LRIF1: variants seen among roughly 807,000 people sequenced by gnomAD.
LRIF1 encodes the protein ligand-dependent nuclear receptor-interacting factor 1.
In LRIF1, 32 loss-of-function variants were observed where a neutral mutation model predicts 52.7. The ratio of observed to expected loss-of-function variants is 0.61; its 90% CI spans 0.46 to 0.82. The LOEUF (loss-of-function observed/expected upper bound fraction) is 0.82, where lower values mean the gene tolerates loss of function less well. Ranked by LOEUF, LRIF1 falls within the 40% of genes least tolerant of loss-of-function variation. The pLI is 0.00. For synonymous variants in LRIF1, 323 were observed against 317.4 expected (o/e 1.02, Z -0.19); for missense variants, 887 against 892.0 (o/e 0.99, Z 0.07).
intron 1 of LRIF1, among the ~76,000 whole-genome samples, chr1:110,956,640 G>T (rs941149572): frequency 3.3e-5 from 5 of 152,138 alleles, no homozygotes; most frequent in Admixed American, 1.3e-4. Context: ...TACTACAAAA[G>T]TAGATAGGTG....
At chr1:110,885,693 T>C in the LRIF1 span, among the ~76,000 whole-genome samples, 37 of 151,734 alleles carry the variant, frequency 2.4e-4, no homozygotes, top group African/African-American at 8.9e-4. Flanking sequence ...CGAAACCCCC[T>C]CTCTACTAAA....
At chr1:110,918,947 G>A in the LRIF1 span, among the ~76,000 whole-genome samples, 1 of 152,152 alleles carries the variant, frequency 6.6e-6, no homozygotes, top group Admixed American at 6.5e-5. Flanking sequence ...TATAAAACTG[G>A]ACATAAGAAG....
In LRIF1 at chr1:110,953,336, C is replaced by G. The variant is rs368759114; in HGVS notation, c.69-521G>C. On this transcript the variant is annotated intron_variant, in intron 1 of 3. Transcript: ENST00000369763. ...CTCTCATGGTGTTACCTTAGTTTGC[C>G]ACATTTTTGTGCTATAGATTTCACT... Among the ~76,000 whole-genome samples, 58 of 152,240 alleles carry G rather than the reference C, an allele frequency of 3.8e-4. No individual in the cohort carries two copies. In the South Asian group the frequency reaches 9.1e-3, roughly 24 times the overall value.
chr1:110,901,512 CTG>C, the LRIF1 span, among the ~76,000 whole-genome samples: 1 of 134,610 alleles, frequency 7.4e-6, no homozygotes, highest in Non-Finnish European at 1.6e-5. Context: ...GAGTCTCACT[CTG>C]TGGCCAGGCT....
At chr1:110,902,495 T>TAAAAAAAGAAAAAAAAA in the LRIF1 span, among the ~76,000 whole-genome samples, 3 of 72,650 alleles carry the variant, frequency 4.1e-5, no homozygotes, top group African/African-American at 2.1e-4. Context: ...AATCAATCAC[T>TAAAAAAAGAAAAAAAAA]AAAAAAAAAA....
At chr1:110,953,552 A>AT (rs541735912) in intron 1 of LRIF1, among the ~76,000 whole-genome samples, 2 of 152,162 alleles carry the variant, frequency 1.3e-5, no homozygotes, top group Middle Eastern at 3.4e-3. Context: ...CTGGAAATCA[A>AT]TTTTTTTTAA....
chr1:110,943,349 C>T (rs1658132828), downstream of LRIF1: 1 of 152,110 alleles, frequency 6.6e-6, no homozygotes, highest in South Asian at 2.1e-4. Context: ...ATTCAAGGCG[C>T]ATTTCAGTAT....
the LRIF1 span, among the ~76,000 whole-genome samples, chr1:110,885,244 A>C: frequency 2.0e-5 from 3 of 152,208 alleles, no homozygotes; most frequent in Non-Finnish European, 4.4e-5. Context: ...TTGTTTGAAC[A>C]GTTCAGTATC....
chr1:110,951,631 T>C lies in LRIF1; in HGVS notation c.1253A>G (p.Lys418Arg). ...TGTCTCCATCTGGGAAGATTTACTT[T>C]TAGCCAAAACAATATTTACAACCTC... ...SREVVNIVLAKSKSSQMETKS... is the reference protein window; with the variant it reads ...SREVVNIVLARSKSSQMETKS... The change falls in exon 2 of 4, where the codon AAA (lysine) becomes AGA (arginine). Residue 418 changes from lysine to arginine, a missense_variant. Coordinates refer to ENST00000369763, the MANE Select transcript of LRIF1 (RefSeq NM_018372.4). 1 of 1,614,124 alleles carries C rather than the reference T, an allele frequency of 6.2e-7. No individual in the cohort carries two copies. Among genetic ancestry groups the C allele is most frequent in the Non-Finnish European group, 8.5e-7 (1 of 1,180,016 alleles).
chr1:110,895,145 C>A, the LRIF1 span: 1 of 956,756 alleles, frequency 1.0e-6, no homozygotes, highest in South Asian at 1.3e-5. Flanking sequence ...CTGGAAGTTT[C>A]AGAATCTAAG....
At chr1:110,938,278 T>C in the LRIF1 span, 1 of 152,052 alleles carries the variant, frequency 6.6e-6, no homozygotes, top group African/African-American at 2.4e-5. Flanking sequence ...CAGGCCAATA[T>C]CTCTGATGAA....
the LRIF1 span, among the ~76,000 whole-genome samples, chr1:110,909,642 G>A: frequency 0.011 from 1,599 of 145,624 alleles, 27 homozygotes; most frequent in African/African-American, 0.037. Context: ...GTGCAGTGGC[G>A]CGATCTCGGC....
At chr1:110,929,562 T>C in the LRIF1 span, among the ~76,000 whole-genome samples, 1 of 152,218 alleles carries the variant, frequency 6.6e-6, no homozygotes, top group Non-Finnish European at 1.5e-5. Flanking sequence ...ATGTATGTCT[T>C]CTTTTGAAAA....
chr1:110,902,639 AAT>A, the LRIF1 span, among the ~76,000 whole-genome samples: 1 of 152,186 alleles, frequency 6.6e-6, no homozygotes, highest in Non-Finnish European at 1.5e-5. Flanking sequence ...AGAAGATGTA[AAT>A]ATGTGGAAAA....
At chr1:110,918,637 CAGTG>C in the LRIF1 span, among the ~76,000 whole-genome samples, 1 of 152,132 alleles carries the variant, frequency 6.6e-6, no homozygotes, top group South Asian at 2.1e-4. Flanking sequence ...CTTGAAGAGA[CAGTG>C]AGAAAACTCC....
At chr1:110,909,898 A>G in the LRIF1 span, among the ~76,000 whole-genome samples, 1 of 152,032 alleles carries the variant, frequency 6.6e-6, no homozygotes, top group Non-Finnish European at 1.5e-5. Context: ...CTATTCTTAT[A>G]TCAGACAAAA....
chr1:110,948,711 T>C (rs1658321109), intron 3 of LRIF1, among the ~76,000 whole-genome samples: 1 of 152,248 alleles, frequency 6.6e-6, no homozygotes, highest in Non-Finnish European at 1.5e-5. Context: ...TTGATTGTTT[T>C]TTTCTTTTCC....
the LRIF1 span, among the ~76,000 whole-genome samples, chr1:110,921,183 A>G: frequency 1.3e-5 from 2 of 152,222 alleles, no homozygotes; most frequent in Non-Finnish European, 2.9e-5. Context: ...GCTTTGTATC[A>G]TCTGGTAGGT....
chr1:110,896,747 C>T, the LRIF1 span: 1 of 1,608,800 alleles, frequency 6.2e-7, no homozygotes. Flanking sequence ...ATTTTGTCGG[C>T]AATGTTTCTG....
Sources: gnomAD v4.1 joint callset for allele counts (sites outside exome capture counted in the v4.1 genomes callset) on GRCh38, gnomAD v4.1.1 for gene constraint, MANE v1.5 for transcripts, NCBI Gene and HGNC (gene_info 2026-07-23, HGNC 2026-07-21) for gene names.